STK3: variants seen among roughly 807,000 people sequenced by gnomAD.
STK3 encodes the protein serine/threonine kinase 3, also known as serine/threonine-protein kinase 3.
In STK3, 41 loss-of-function variants were observed where a neutral mutation model predicts 58.0. The ratio of observed to expected loss-of-function variants is 0.71; its 90% CI spans 0.55 to 0.92. The LOEUF (loss-of-function observed/expected upper bound fraction) is 0.92. STK3 is among the 40% of genes least tolerant of loss of function. The pLI, the probability that STK3 is intolerant of heterozygous loss-of-function variation, is 0.00. For synonymous variants in STK3, 170 were observed against 191.0 expected (o/e 0.89, Z 0.91); for missense variants, 479 against 602.7 (o/e 0.79, Z 2.15).
intron 1 of STK3, among the ~76,000 whole-genome samples, chr8:98,777,983 T>A (rs916397415): frequency 6.6e-6 from 1 of 152,228 alleles, no homozygotes; most frequent in South Asian, 2.1e-4. Context: ...GGACTTCATG[T>A]CTAAAACACT....
Position 98,706,457 on chromosome 8 carries a change from A to C in STK3, c.684+10T>G. 1 of 1,598,116 alleles carries C rather than the reference A, an allele frequency of 6.3e-7. No homozygotes were observed. The highest frequency in any genetic ancestry group is 1.1e-5 in the South Asian group (1 of 87,754). ...AGGCTAACATTTTCAGCAAACCATA[A>C]TTTTCTTACCCTCATTGGATGTATA... On this transcript the variant is annotated intron_variant, in intron 6 of 10. Coordinates refer to ENST00000419617, the MANE Select transcript of STK3 (RefSeq NM_006281.4).
intron 1 of STK3, among the ~76,000 whole-genome samples, chr8:98,889,440 C>T (rs933159798): frequency 6.6e-6 from 1 of 152,192 alleles, no homozygotes; most frequent in Non-Finnish European, 1.5e-5. Context: ...TCCCAAAGTT[C>T]TCTTTGCTCA....
chr8:98,933,245 G>A (rs1261203007), intron 1 of STK3, among the ~76,000 whole-genome samples: 1 of 152,162 alleles, frequency 6.6e-6, no homozygotes, highest in African/African-American at 2.4e-5. Context: ...TTACTATTTA[G>A]ACATGTAATA....
intron 3 of STK3, among the ~76,000 whole-genome samples, chr8:98,837,376 AAAAG>A (rs1554688428): frequency 7.5e-4 from 114 of 151,792 alleles, no homozygotes; most frequent in Middle Eastern, 6.8e-3. Context: ...AAAAAAAAAA[AAAAG>A]AAAGAAAGAA....
At chr8:98,370,365 G>A (rs1457454452), downstream of STK3, among the ~76,000 whole-genome samples, 2 of 151,704 alleles carry the variant, frequency 1.3e-5, no homozygotes, top group African/African-American at 4.8e-5. Flanking sequence ...GTGTGTGTGT[G>A]TGTGTGTGTG....
At chr8:98,884,478 A>G (rs1837907481) in intron 1 of STK3, among the ~76,000 whole-genome samples, 1 of 152,240 alleles carries the variant, frequency 6.6e-6, no homozygotes, top group Admixed American at 6.5e-5. Context: ...ATCAAGACTA[A>G]GGAATTAACA....
At chr8:98,601,968 T>A (rs1816389212) in intron 6 of STK3, among the ~76,000 whole-genome samples, 1 of 152,196 alleles carries the variant, frequency 6.6e-6, no homozygotes, top group African/African-American at 2.4e-5. Flanking sequence ...ATTTAACTGA[T>A]CTGGGGTGAC....
intron 4 of STK3, among the ~76,000 whole-genome samples, chr8:98,712,560 G>A (rs1202531895): frequency 5.3e-5 from 8 of 150,970 alleles, no homozygotes; most frequent in Non-Finnish European, 1.5e-5. Context: ...ATGGTAAAGG[G>A]ATCAATTCAA....
chr8:98,365,056 C>T, the STK3 span, among the ~76,000 whole-genome samples: 1 of 152,156 alleles, frequency 6.6e-6, no homozygotes, highest in Non-Finnish European at 1.5e-5. Flanking sequence ...CTCACCATCC[C>T]GGTGCATTCC....
intron 3 of STK3, among the ~76,000 whole-genome samples, chr8:98,424,825 G>A (rs987295472): frequency 5.3e-5 from 8 of 152,358 alleles, no homozygotes; most frequent in African/African-American, 1.9e-4. Context: ...CCAAGGCCAA[G>A]GGAATGGGAG....
downstream of STK3, among the ~76,000 whole-genome samples, chr8:98,396,742 G>A (rs1244686973): frequency 6.6e-6 from 1 of 152,250 alleles, no homozygotes; most frequent in Non-Finnish European, 1.5e-5. Flanking sequence ...GAGAGATGCA[G>A]TGAGAACATC....
At chr8:98,550,708 T>A (rs1471077546) in intron 8 of STK3, among the ~76,000 whole-genome samples, 1 of 152,160 alleles carries the variant, frequency 6.6e-6, no homozygotes, top group East Asian at 1.9e-4. Flanking sequence ...CTCTCCCATC[T>A]AACTTTCTAG....
intron 6 of STK3, among the ~76,000 whole-genome samples, chr8:98,689,570 C>T (rs1327468687): frequency 8.5e-5 from 13 of 152,138 alleles, no homozygotes; most frequent in Non-Finnish European, 1.5e-5. Context: ...CACTGGAGCT[C>T]AGGAGTTTGA....
chr8:98,493,839 T>C (rs1172102076), intron 10 of STK3, among the ~76,000 whole-genome samples: 1 of 152,218 alleles, frequency 6.6e-6, no homozygotes, highest in Non-Finnish European at 1.5e-5. Context: ...TTAAATTGAA[T>C]GGATCCACCA....
At chr8:98,758,140 T>C (rs976032938) in intron 3 of STK3, among the ~76,000 whole-genome samples, 1 of 152,214 alleles carries the variant, frequency 6.6e-6, no homozygotes, top group African/African-American at 2.4e-5. Context: ...AATATCACAA[T>C]ACAGTGAGTC....
At chr8:98,918,755 T>G (rs1839440229) in intron 1 of STK3, among the ~76,000 whole-genome samples, 1 of 151,820 alleles carries the variant, frequency 6.6e-6, no homozygotes, top group African/African-American at 2.4e-5. Context: ...GGTGACAGAG[T>G]GAGACCCTGT....
At chr8:98,917,845 A>T (rs2131998742) in intron 1 of STK3, among the ~76,000 whole-genome samples, 1 of 152,316 alleles carries the variant, frequency 6.6e-6, no homozygotes, top group African/African-American at 2.4e-5. Flanking sequence ...GGTTAGTGTC[A>T]TGTCTTCTGG....
At chr8:98,797,821 T>C (rs1833274648) in intron 1 of STK3, among the ~76,000 whole-genome samples, 1 of 152,180 alleles carries the variant, frequency 6.6e-6, no homozygotes. Context: ...GAGTTAGCAT[T>C]TTCCAGGCAG....
At chr8:98,909,912 G>A (rs928293350) in intron 1 of STK3, among the ~76,000 whole-genome samples, 6 of 152,070 alleles carry the variant, frequency 3.9e-5, no homozygotes, top group African/African-American at 1.4e-4. Context: ...ATCATTTGAG[G>A]AACTGCCAGA....
Sources: allele counts gnomAD v4.1 joint callset (sites outside exome capture counted in the v4.1 genomes callset), GRCh38; gene constraint gnomAD v4.1.1; transcripts MANE v1.5; gene names NCBI Gene and HGNC (gene_info 2026-07-23, HGNC 2026-07-21).